Variants in CCDC93 observed in about 807,000 individuals in gnomAD.
The protein encoded by CCDC93 is coiled-coil domain-containing protein 93.
In CCDC93, 61 loss-of-function variants were observed where a neutral mutation model predicts 108.2. The ratio of observed to expected loss-of-function variants is 0.56; its 90% CI spans 0.46 to 0.70. The LOEUF (loss-of-function observed/expected upper bound fraction) is 0.70. CCDC93 is among the 30% of genes least tolerant of loss of function. CCDC93 has a pLI of 0.00. For missense variants in CCDC93, 685 were observed against 764.2 expected (o/e 0.90, Z 1.22); for synonymous variants, 276 against 260.4 (o/e 1.06, Z -0.58).
At chr2:118,001,700 G>A (rs1252025531) in intron 3 of CCDC93, among the ~76,000 whole-genome samples, 1 of 151,832 alleles carries the variant, frequency 6.6e-6, no homozygotes, top group African/African-American at 2.4e-5. Context: ...TGTAGGTCAG[G>A]AGGAAAGCAT....
chr2:117,989,899 G>A (rs1161789081), intron 6 of CCDC93, among the ~76,000 whole-genome samples: 1 of 152,182 alleles, frequency 6.6e-6, no homozygotes, highest in Non-Finnish European at 1.5e-5. Context: ...CCCTATGGAA[G>A]AACACACTGG....
In CCDC93 at chr2:118,014,045, G is replaced by C; in HGVS notation, c.-50C>G. 1.3e-6 allele frequency: 2 copies of C among 1,575,614 alleles called. No individual in the cohort carries two copies. The highest frequency in any genetic ancestry group is 2.3e-5 in the East Asian group (1 of 43,324). On this transcript the variant is annotated 5_prime_UTR_variant, in exon 1 of 24. Transcript: ENST00000376300. Reference sequence around the variant, plus strand: ...GAGAGCGAAGCCCGCCAAGCGTCCGGAGGAAGCTGTCCCTGCCGCGGAGCT... The same window carrying C: ...GAGAGCGAAGCCCGCCAAGCGTCCGCAGGAAGCTGTCCCTGCCGCGGAGCT...
chr2:117,947,066 A>C (rs1211450170), intron 15 of CCDC93, among the ~76,000 whole-genome samples, 184 bp from the exon 16 acceptor site: 1 of 152,242 alleles, frequency 6.6e-6, no homozygotes, highest in Non-Finnish European at 1.5e-5. Flanking sequence ...AGGAGGCTAC[A>C]GGCAGCTATT....
chr2:117,996,518 G>C, intron 4 of CCDC93, 156 bp from the exon 5 acceptor site: 1 of 557,972 alleles, frequency 1.8e-6, no homozygotes, highest in Non-Finnish European at 3.2e-6. Flanking sequence ...TATAGGAAAA[G>C]CAACCAGCTG....
At position 117,974,864 on chromosome 2, in the gene CCDC93, T is replaced by C. The variant is rs368407933; in HGVS notation, c.787A>G (p.Met263Val). ...IQSLMTKMTAMANEESRLTAS... is the reference protein window; with the variant it reads ...IQSLMTKMTAVANEESRLTAS... ...CTCCCACTCACCTCCTCATTTGCCA[T>C]AGCGGTCATCTTGGTCATCAGCGAC... Residue 263 changes from methionine to valine, a missense_variant, in exon 10 of 24, where the codon ATG becomes GTG. Met to Val is a conservative substitution (Grantham distance 21). Transcript: ENST00000376300. The C allele has an allele frequency of 1.4e-4, 214 of 1,571,880 alleles. 1 individual carries two copies. The highest frequency in any genetic ancestry group is 1.1e-3 in the East Asian group (49 of 42,660).
chr2:117,959,398 C>G (rs1042683684), intron 11 of CCDC93, among the ~76,000 whole-genome samples: 2 of 152,200 alleles, frequency 1.3e-5, no homozygotes, highest in Non-Finnish European at 2.9e-5. Context: ...TACCCCAATT[C>G]CAAGCTAATC....
At chr2:118,001,493 C>T (rs1432546545) in intron 3 of CCDC93, among the ~76,000 whole-genome samples, 2 of 151,602 alleles carry the variant, frequency 1.3e-5, no homozygotes, top group African/African-American at 4.9e-5. Context: ...TTTTTTGATA[C>T]TCTAAAATAA....
chr2:117,975,054 G>T, intron 9 of CCDC93, 134 bp downstream of exon 9: 9 of 1,035,150 alleles, frequency 8.7e-6, no homozygotes, highest in Non-Finnish European at 1.3e-5. Context: ...AATGAAACTG[G>T]AAGGTGTGAA....
chr2:117,923,283 C>T (rs952081178), intron 23 of CCDC93, among the ~76,000 whole-genome samples: 1 of 152,104 alleles, frequency 6.6e-6, no homozygotes, highest in Non-Finnish European at 1.5e-5. Flanking sequence ...ACAGCGCGTG[C>T]AGTGCACTCA....
At chr2:117,962,293 AG>A (rs1679421694) in intron 11 of CCDC93, among the ~76,000 whole-genome samples, 1 of 152,214 alleles carries the variant, frequency 6.6e-6, no homozygotes, top group African/African-American at 2.4e-5. Flanking sequence ...ACAAGGTACC[AG>A]GAGTTCTCTA....
Position 117,945,514 on chromosome 2 carries a change from C to T in CCDC93, c.1350+15G>A. On this transcript the variant is annotated intron_variant, in intron 17 of 23. Transcript: ENST00000376300. Reference sequence around the variant, plus strand: ...CTCAGGAGACAATGCCAGTCCTGAGCAGGCAGGTACTTACGTCATGAGTCA... The same window carrying T: ...CTCAGGAGACAATGCCAGTCCTGAGTAGGCAGGTACTTACGTCATGAGTCA... 6.2e-7 allele frequency: 1 copy of T among 1,612,038 alleles called. No individual in the cohort carries two copies. Among genetic ancestry groups the T allele is most frequent in the Middle Eastern group, 1.7e-4 (1 of 6,058 alleles).
At chr2:117,993,974 C>T (rs1270731798) in intron 6 of CCDC93, among the ~76,000 whole-genome samples, 2 of 152,184 alleles carry the variant, frequency 1.3e-5, no homozygotes, top group Non-Finnish European at 2.9e-5. Flanking sequence ...CCTCGTGATC[C>T]ACCCGTCTCA....
intron 1 of CCDC93, chr2:118,012,638 T>A (rs1677050804): frequency 6.6e-6 from 1 of 152,094 alleles, no homozygotes; most frequent in Non-Finnish European, 1.5e-5. Flanking sequence ...AAAGAAAACT[T>A]CAAATGTCAC....
intron 1 of CCDC93, among the ~76,000 whole-genome samples, chr2:118,010,351 T>C (rs1039483027): frequency 1.3e-5 from 2 of 152,186 alleles, no homozygotes; most frequent in Admixed American, 1.3e-4. Flanking sequence ...TCTAATACTC[T>C]TTCATCTATT....
intron 18 of CCDC93, among the ~76,000 whole-genome samples, chr2:117,942,642 A>T (rs1243210310): frequency 6.6e-6 from 1 of 152,172 alleles, no homozygotes; most frequent in Non-Finnish European, 1.5e-5. Context: ...GCTCAGGTGC[A>T]TCTTCACTGG....
Position 118,014,029 on chromosome 2 carries a change from G to A in CCDC93, c.-34C>T. 1 of 1,584,260 alleles carries A rather than the reference G, an allele frequency of 6.3e-7. No individual in the cohort carries two copies. Among genetic ancestry groups the A allele is most frequent in the Non-Finnish European group, 8.6e-7 (1 of 1,166,602 alleles). The stretch of plus-strand genomic sequence containing the variant: ...CGGGCTGTCGTAAGGCGAGAGCGAA[G>A]CCCGCCAAGCGTCCGGAGGAAGCTG... On this transcript the variant is annotated 5_prime_UTR_variant, in exon 1 of 24. Transcript: ENST00000376300.
At chr2:117,953,918 T>C (rs1278014970) in intron 12 of CCDC93, among the ~76,000 whole-genome samples, 1 of 151,950 alleles carries the variant, frequency 6.6e-6, no homozygotes, top group East Asian at 1.9e-4. Flanking sequence ...AAAAGAGGCT[T>C]GAGTGGGCTC....
chr2:117,927,240 A>C (rs945295822), intron 23 of CCDC93, among the ~76,000 whole-genome samples: 2 of 152,150 alleles, frequency 1.3e-5, no homozygotes, highest in Middle Eastern at 3.2e-3. Context: ...CACCACTCCT[A>C]TTCAACATAG....
intron 11 of CCDC93, among the ~76,000 whole-genome samples, chr2:117,970,780 T>C (rs1679734975): frequency 6.6e-6 from 1 of 152,220 alleles, no homozygotes; most frequent in Non-Finnish European, 1.5e-5. Flanking sequence ...GCTGCCATTT[T>C]ATAGTTGCTA....
Sources: allele counts gnomAD v4.1 joint callset (sites outside exome capture counted in the v4.1 genomes callset), GRCh38; gene constraint gnomAD v4.1.1; transcripts MANE v1.5; gene names NCBI Gene and HGNC (gene_info 2026-07-23, HGNC 2026-07-21).